The following SPRTN variants were observed in gnomAD, a reference collection of about 807,000 sequenced individuals.
SPRTN encodes DNA-dependent metalloprotease SPRTN.
SPRTN carries 11 observed loss-of-function variants against 31.9 expected under a neutral mutation model. The ratio of observed to expected loss-of-function variants is 0.34; its 90% CI spans 0.22 to 0.57. SPRTN has a LOEUF of 0.57. SPRTN is among the 20% of genes least tolerant of loss of function. The probability of loss-of-function intolerance (pLI) is 0.86; values close to 1 mark genes in which losing one functional copy is unlikely to be tolerated. For missense variants in SPRTN, 482 were observed against 590.1 expected (o/e 0.82, Z 1.90); for synonymous variants, 185 against 212.1 (o/e 0.87, Z 1.11).
chr1:231,350,639 A>G lies in SPRTN; in HGVS notation c.451-665A>G, dbSNP rs1687194876. ...TGGTGCCAAAAGCACTATATTAGCC[A>G]CTAGGGACACAAAAAATTAAAACAT... On this transcript the variant is annotated intron_variant, in intron 3 of 4. Transcript: ENST00000295050. Among the ~76,000 whole-genome samples the G allele has an allele frequency of 1.3e-5, 2 of 152,190 alleles. 1 individual carries two copies. The highest frequency in any genetic ancestry group is 1.3e-4 in the Admixed American group (2 of 15,276).
At chr1:231,351,794 T>C (rs1687246652) in intron 4 of SPRTN, 3 of 1,166,700 alleles carry the variant, frequency 2.6e-6, no homozygotes, top group East Asian at 3.9e-5. Context: ...ATAGTTTCCA[T>C]GGATATTTTT....
At position 231,353,835 on chromosome 1, in the gene SPRTN, A is replaced by G. The variant is rs1687314499; in HGVS notation, c.*474A>G. 2.1e-6 allele frequency: 2 copies of G among 955,598 alleles called. No homozygotes were observed. The highest frequency in any genetic ancestry group is 2.5e-6 in the Non-Finnish European group (2 of 802,714). The allele number at this position is 955,598 out of a possible 1,614,324, so 59.2% of individuals were successfully genotyped here. A position where few individuals can be genotyped will look rare whatever the true frequency, so the allele number is the denominator to read the frequency against. On this transcript the variant is annotated 3_prime_UTR_variant, in exon 5 of 5. Coordinates refer to ENST00000295050, the MANE Select transcript of SPRTN (RefSeq NM_032018.7). ...TCTAGACTACAAAGTATATTGTTTT[A>G]GAGTACTCAAATTGTATTATTTATT...
intron 2 of SPRTN, among the ~76,000 whole-genome samples, chr1:231,342,911 T>C (rs908940814): frequency 2.0e-5 from 3 of 151,394 alleles, no homozygotes; most frequent in African/African-American, 7.3e-5. Context: ...ATTTTTTGTA[T>C]TTTTTTTACT....
At chr1:231,348,275 C>T (rs1420325106) in intron 3 of SPRTN, among the ~76,000 whole-genome samples, 1 of 152,172 alleles carries the variant, frequency 6.6e-6, no homozygotes, top group Non-Finnish European at 1.5e-5. Context: ...AGATGTCATT[C>T]CCTCATCAGA....
At position 231,352,208 on chromosome 1, in the gene SPRTN, G is replaced by A. The variant is rs1396692052; in HGVS notation, c.719-402G>A. 5.0e-6 allele frequency: 5 copies of A among 992,324 alleles called. No homozygotes were observed. The African/African-American group carries it at 5.2e-5, about 10-fold the overall frequency. 61.5% of individuals were successfully genotyped at this position (992,324 alleles called of 1,614,324 possible). A position where few individuals can be genotyped will look rare whatever the true frequency, so the allele number is the denominator to read the frequency against. On this transcript the variant is annotated intron_variant, in intron 4 of 4. Coordinates refer to ENST00000295050, the MANE Select transcript of SPRTN (RefSeq NM_032018.7). The stretch of plus-strand genomic sequence containing the variant: ...TATTTCCCAAATCTTTAATTATTGA[G>A]TGAAAGAGCTATAGATGAATTGATA...
In SPRTN at chr1:231,338,578, G is replaced by A. The variant is rs774503684; in HGVS notation, c.195G>A (p.Glu65=). 1.2e-6 allele frequency: 2 copies of A among 1,614,152 alleles called. No homozygotes were observed. Among genetic ancestry groups the A allele is most frequent in the Non-Finnish European group, 1.7e-6 (2 of 1,180,052 alleles). ...TCTGGGGCCAGCTGGAGGCCGTCGAGGTGAAGTGGAGCGTGCGAATGACCC... is the reference window on the plus strand; with the variant it reads ...TCTGGGGCCAGCTGGAGGCCGTCGAAGTGAAGTGGAGCGTGCGAATGACCC... ...QFFWGQLEAV[E]VKWSVRMTLC... is the part of the protein sequence containing the mutation. Residue 65 remains glutamate, a synonymous_variant, in exon 1 of 5, where the codon GAG becomes GAA. Transcript: ENST00000295050.
chr1:231,339,917 T>A, intron 2 of SPRTN, 49 bp downstream of exon 2: 3 of 1,549,904 alleles, frequency 1.9e-6, no homozygotes, highest in Non-Finnish European at 2.7e-6. Context: ...TACAAATACT[T>A]GTCAATGATT....
intron 2 of SPRTN, among the ~76,000 whole-genome samples, chr1:231,347,446 A>G (rs1687093327): frequency 6.6e-6 from 1 of 152,060 alleles, no homozygotes; most frequent in Non-Finnish European, 1.5e-5. Flanking sequence ...TGCAGCGTCA[A>G]CCTCCCCAGG....
chr1:231,352,848 T>C lies in SPRTN; in HGVS notation c.957T>C (p.Ala319=). Residue 319 remains alanine (A), a synonymous_variant, in exon 5 of 5, where the codon GCT becomes GCC. Transcript: ENST00000295050. ...SSKNSHLVSP[A]VSNSHQNVLS... Reference sequence around the variant, plus strand: ...AAAATTCTCATCTGGTCTCCCCTGCTGTTAGTAACAGTCACCAAAATGTTC... The same window carrying C: ...AAAATTCTCATCTGGTCTCCCCTGCCGTTAGTAACAGTCACCAAAATGTTC... 6.2e-7 allele frequency: 1 copy of C among 1,614,076 alleles called. No individual in the cohort carries two copies. Among genetic ancestry groups the C allele is most frequent in the Non-Finnish European group, 8.5e-7 (1 of 1,179,972 alleles).
At chr1:231,344,733 T>C (rs766522480) in intron 2 of SPRTN, 3 of 310,094 alleles carry the variant, frequency 9.7e-6, no homozygotes, top group Non-Finnish European at 2.1e-5. Flanking sequence ...TTGAAGATCT[T>C]TCTGATTTTT....
chr1:231,352,597 G>C lies in SPRTN; in HGVS notation c.719-13G>C. ...AGGCACTTACATAACAATCTTCTTT[G>C]CTTTTTTGGCAGATAAACCCAACAG... On this transcript the variant is annotated splice_polypyrimidine_tract_variant and intron_variant, in intron 4 of 4. Coordinates refer to ENST00000295050, the MANE Select transcript of SPRTN (RefSeq NM_032018.7). 2 of 1,545,806 alleles carry C rather than the reference G, an allele frequency of 1.3e-6. No homozygotes were observed. The highest frequency in any genetic ancestry group is 8.7e-7 in the Non-Finnish European group (1 of 1,151,272).
In SPRTN at chr1:231,353,145, C is replaced by T; in HGVS notation, c.1254C>T (p.Asp418=). The change falls in exon 5 of 5, where the codon GAC becomes GAT. Residue 418 remains aspartate (D), a synonymous_variant. Coordinates refer to ENST00000295050, the MANE Select transcript of SPRTN (RefSeq NM_032018.7). ...RPRLEDKTVF[D]NFFIKKEQIK... is the part of the protein sequence containing the mutation. ...GGCTAGAAGATAAGACTGTTTTTGA[C>T]AATTTTTTTATCAAGAAAGAGCAAA... 1 of 1,611,808 alleles carries T rather than the reference C, an allele frequency of 6.2e-7. No homozygotes were observed. Among genetic ancestry groups the T allele is most frequent in the Non-Finnish European group, 8.5e-7 (1 of 1,179,278 alleles).
intron 2 of SPRTN, among the ~76,000 whole-genome samples, chr1:231,347,204 C>T (rs186969500): frequency 6.6e-6 from 1 of 152,256 alleles, no homozygotes; most frequent in Admixed American, 6.5e-5. Flanking sequence ...CCGCAATGCT[C>T]CAATGAGCAT....
chr1:231,345,509 A>T lies in SPRTN; in HGVS notation c.322-2288A>T, dbSNP rs577782632. On this transcript the variant is annotated intron_variant, in intron 2 of 4. Coordinates refer to ENST00000295050, the MANE Select transcript of SPRTN (RefSeq NM_032018.7). Reference sequence around the variant, plus strand: ...CCTTCTCATTCTTTTTTGTGGCTGCATAGAATTCCATTATATGGATGTATA... The same window carrying T: ...CCTTCTCATTCTTTTTTGTGGCTGCTTAGAATTCCATTATATGGATGTATA... Among the ~76,000 whole-genome samples, 5 of 152,192 alleles carry T rather than the reference A, an allele frequency of 3.3e-5. No individual in the cohort carries two copies. The East Asian group carries it at 9.6e-4, about 29-fold the overall frequency.
chr1:231,350,178 A>G (rs771620369), intron 3 of SPRTN, among the ~76,000 whole-genome samples: 2 of 152,316 alleles, frequency 1.3e-5, no homozygotes, highest in East Asian at 3.9e-4. Context: ...ATGCTTACCA[A>G]GTAGAAATTT....
intron 2 of SPRTN, among the ~76,000 whole-genome samples, chr1:231,341,641 G>A (rs1355347706): frequency 6.6e-6 from 1 of 152,094 alleles, no homozygotes; most frequent in African/African-American, 2.4e-5. Flanking sequence ...CTCTCCAAAA[G>A]TAATAACATA....
At chr1:231,344,900 A>G (rs1186513208) in intron 2 of SPRTN, among the ~76,000 whole-genome samples, 1 of 152,206 alleles carries the variant, frequency 6.6e-6, no homozygotes, top group Non-Finnish European at 1.5e-5. Context: ...TCAAAACCCA[A>G]AAGCTGTAGA....
chr1:231,341,344 T>C (rs1033121847), intron 2 of SPRTN, among the ~76,000 whole-genome samples: 1 of 152,070 alleles, frequency 6.6e-6, no homozygotes, highest in Non-Finnish European at 1.5e-5. Context: ...TTTTTTTTTT[T>C]TACTTTGGAA....
chr1:231,342,475 G>A (rs967540947), intron 2 of SPRTN, among the ~76,000 whole-genome samples: 7 of 152,004 alleles, frequency 4.6e-5, no homozygotes, highest in African/African-American at 1.7e-4. Flanking sequence ...TTGTTGCCCA[G>A]GCTGGAGTGC....
Sources: gnomAD v4.1 joint callset for allele counts (sites outside exome capture counted in the v4.1 genomes callset) on GRCh38, gnomAD v4.1.1 for gene constraint, MANE v1.5 for transcripts, NCBI Gene and HGNC (gene_info 2026-07-23, HGNC 2026-07-21) for gene names.